TTC34: variants seen among roughly 807,000 people sequenced by gnomAD.
The protein encoded by TTC34 is tetratricopeptide repeat domain 34.
In TTC34, 44 loss-of-function variants were observed where a neutral mutation model predicts 40.7. That is an observed-to-expected ratio of 1.08 (90% CI 0.85 to 1.39). The LOEUF (loss-of-function observed/expected upper bound fraction) is 1.39, where lower values mean the gene tolerates loss of function less well. Among genes scored for constraint, TTC34 ranks in the 40% most tolerant of loss-of-function variants. The pLI is 0.00. For missense variants in TTC34, 884 were observed against 838.0 expected (o/e 1.05, Z -0.68); for synonymous variants, 422 against 398.6 (o/e 1.06, Z -0.70).
rs1172529535 is a variant in TTC34 at position 2,673,464 on chromosome 1, C to A, written c.2227-27901G>T. ...CAGGTGAGCATCTGACAGCCTGGAA[C>A]AGAACCCACACGCCCAGGTGAGCAT... On this transcript the variant is annotated intron_variant, in intron 6 of 8. Coordinates refer to ENST00000401095, the Ensembl canonical transcript of TTC34. 3.8e-5 allele frequency among the ~76,000 whole-genome samples: 3 copies of A among 79,774 alleles called. No homozygotes were observed. The East Asian group carries it at 8.5e-4, about 23-fold the overall frequency. The allele number at this position is 79,774 out of a possible 152,430, so 52.3% of individuals were successfully genotyped here.
intron 6 of TTC34, among the ~76,000 whole-genome samples, chr1:2,755,727 T>C (rs1641481680): frequency 1.7e-5 from 1 of 59,150 alleles, no homozygotes; most frequent in Non-Finnish European, 3.3e-5. Context: ...TCCGACAGCC[T>C]GGAGCAGCAC....
At chr1:2,683,289 C>G (rs539393100) in intron 6 of TTC34, among the ~76,000 whole-genome samples, 11 of 143,222 alleles carry the variant, frequency 7.7e-5, no homozygotes, top group East Asian at 2.1e-4. Flanking sequence ...GAGCATCTGA[C>G]AGCCTGGAAC....
intron 6 of TTC34, among the ~76,000 whole-genome samples, chr1:2,657,379 A>T (rs1295603772): frequency 6.3e-5 from 6 of 95,284 alleles, no homozygotes; most frequent in Admixed American, 2.0e-4. Context: ...CAGCACCCAC[A>T]CCCCGAGGTG....
intron 6 of TTC34, among the ~76,000 whole-genome samples, chr1:2,768,448 G>C (rs1353209686): frequency 4.0e-5 from 6 of 150,932 alleles, no homozygotes; most frequent in African/African-American, 1.2e-4. Context: ...GCCTGGAACA[G>C]AACCCCACAA....
chr1:2,685,775 G>C (rs1640308190), intron 6 of TTC34, among the ~76,000 whole-genome samples: 2 of 150,024 alleles, frequency 1.3e-5, no homozygotes, highest in African/African-American at 4.9e-5. Flanking sequence ...GTGAGCATCT[G>C]ACAGCCTGGA....
chr1:2,748,935 C>G (rs1569684453), intron 6 of TTC34, among the ~76,000 whole-genome samples: 1 of 75,388 alleles, frequency 1.3e-5, no homozygotes, highest in African/African-American at 7.3e-5. Context: ...AGGGGAGTAT[C>G]TGACAGACTG....
At chr1:2,652,073 A>ATG (rs1639155627) in intron 6 of TTC34, among the ~76,000 whole-genome samples, 3 of 53,504 alleles carry the variant, frequency 5.6e-5, no homozygotes, top group Non-Finnish European at 8.0e-5. Flanking sequence ...AGCCTGGAGG[A>ATG]GCACCCACAC....
At chr1:2,677,732 C>A (rs1156608087) in intron 6 of TTC34, among the ~76,000 whole-genome samples, 149 of 109,402 alleles carry the variant, frequency 1.4e-3, no homozygotes, top group East Asian at 2.1e-3. Context: ...CACCCTGCAC[C>A]CCCAGGTGAG....
At chr1:2,749,542 A>C (rs1641249587) in intron 6 of TTC34, among the ~76,000 whole-genome samples, 2 of 33,276 alleles carry the variant, frequency 6.0e-5, no homozygotes, top group Admixed American at 2.7e-4. Flanking sequence ...AAGCATCTGA[A>C]CGCAAATAGC....
At chr1:2,784,826 A>C (rs1643553163) in intron 5 of TTC34, among the ~76,000 whole-genome samples, 2 of 152,206 alleles carry the variant, frequency 1.3e-5, no homozygotes. Flanking sequence ...ATTATACTGA[A>C]ACAGTTTGTG....
intron 6 of TTC34, among the ~76,000 whole-genome samples, chr1:2,771,566 C>A (rs1272674451): frequency 1.5e-5 from 1 of 67,588 alleles, no homozygotes; most frequent in African/African-American, 1.2e-4. Context: ...ACACACAACC[C>A]CAGGCGAGCA....
At chr1:2,651,958 T>C (rs1230676148) in intron 6 of TTC34, among the ~76,000 whole-genome samples, 1 of 150,100 alleles carries the variant, frequency 6.7e-6, no homozygotes, top group Non-Finnish European at 1.5e-5. Context: ...AAGCAGCACC[T>C]TCCACCTCTA....
chr1:2,675,154 C>T (rs1252600542), intron 6 of TTC34, among the ~76,000 whole-genome samples: 1 of 143,160 alleles, frequency 7.0e-6, no homozygotes, highest in Non-Finnish European at 1.5e-5. Flanking sequence ...CGTAGCAGCA[C>T]CCACACCCCC....
At chr1:2,656,412 A>G (rs1458601617) in intron 6 of TTC34, among the ~76,000 whole-genome samples, 1 of 20,456 alleles carries the variant, frequency 4.9e-5, no homozygotes, top group Non-Finnish European at 8.8e-5. Context: ...AACAGCACCC[A>G]CACCCCCAGG....
chr1:2,751,263 G>A lies in TTC34; in HGVS notation c.2226+32346C>T, dbSNP rs1255150080. 1.7e-4 allele frequency among the ~76,000 whole-genome samples: 19 copies of A among 113,366 alleles called. 5 individuals are homozygous for A. Among genetic ancestry groups the A allele is most frequent in the Admixed American group, 5.5e-4 (6 of 10,840 alleles). The allele number at this position is 113,366 out of a possible 152,430, so 74.4% of individuals were successfully genotyped here. On this transcript the variant is annotated intron_variant, in intron 6 of 8. Transcript: ENST00000401095. ...GCAGGCACACCCCCAGTGAGCATCC[G>A]ACAGCCTGGAACAGCACCCACACAC...
At chr1:2,750,831 G>A (rs1292707610) in intron 6 of TTC34, among the ~76,000 whole-genome samples, 1 of 133,044 alleles carries the variant, frequency 7.5e-6, no homozygotes, top group African/African-American at 3.1e-5. Flanking sequence ...CTGACAGCCT[G>A]GAGCAGTACC....
intron 6 of TTC34, among the ~76,000 whole-genome samples, chr1:2,646,312 C>T (rs1379277618): frequency 2.6e-5 from 4 of 152,194 alleles, no homozygotes; most frequent in Non-Finnish European, 5.9e-5. Context: ...TTCCATTATT[C>T]CCATACTTTG....
intron 2 of TTC34, among the ~76,000 whole-genome samples, chr1:2,793,680 C>G (rs1240718366): frequency 1.3e-5 from 2 of 152,152 alleles, no homozygotes; most frequent in Non-Finnish European, 2.9e-5. Context: ...GAATAATGCT[C>G]CTTTTCTTTC....
At chr1:2,775,212 TG>T (rs1642992645) in intron 6 of TTC34, 1 of 147,398 alleles carries the variant, frequency 6.8e-6, no homozygotes, top group Non-Finnish European at 1.5e-5. Flanking sequence ...TCTGACAGTC[TG>T]GAACAGCATC....
Sources: gnomAD v4.1 joint callset for allele counts (sites outside exome capture counted in the v4.1 genomes callset) on GRCh38, gnomAD v4.1.1 for gene constraint, MANE v1.5 for transcripts, NCBI Gene and HGNC (gene_info 2026-07-23, HGNC 2026-07-21) for gene names.